Variants in AKAP10 observed in about 807,000 individuals in gnomAD.
AKAP10 encodes A-kinase anchoring protein 10.
AKAP10 carries 24 observed loss-of-function variants against 80.8 expected under a neutral mutation model. The observed-to-expected ratio is 0.30, with a 90% confidence interval of 0.22 to 0.42. The LOEUF is 0.42. AKAP10 is among the 10% of genes least tolerant of loss of function. The pLI, the probability that AKAP10 is intolerant of heterozygous loss-of-function variation, is 1.00. For missense variants in AKAP10, 661 were observed against 794.9 expected (o/e 0.83, Z 2.03); for synonymous variants, 291 against 277.7 (o/e 1.05, Z -0.48).
At chr17:19,945,527 A>G (rs1597509191) in intron 5 of AKAP10, among the ~76,000 whole-genome samples, 1 of 152,170 alleles carries the variant, frequency 6.6e-6, no homozygotes, top group Admixed American at 6.5e-5. Context: ...GTGAAACAGT[A>G]CCCCTTAAAT....
intron 1 of AKAP10, 38 bp downstream of exon 1, chr17:19,977,554 G>A (rs959553593): frequency 2.4e-6 from 3 of 1,227,968 alleles, no homozygotes; most frequent in Admixed American, 4.2e-5. Context: ...CCGCCCCTGA[G>A]GCCCGGCCTG....
rs150883446 is a variant in AKAP10, at chr17:19,908,815, T to C, written c.1983+366A>G. Among the ~76,000 whole-genome samples, 72 of 152,236 alleles carry C rather than the reference T, an allele frequency of 4.7e-4. 1 individual carries two copies. In the East Asian group the frequency reaches 0.012, roughly 26 times the overall value. ...CCACCACACCCGGCTAAGACAGGGT[T>C]TCACCATGTTGGCCAGGCTGGTCTT... On this transcript the variant is annotated intron_variant, in intron 14 of 14. Transcript: ENST00000225737.
At position 19,940,945 on chromosome 17, in the gene AKAP10, C is replaced by A. The variant is rs774163371; in HGVS notation, c.1127G>T (p.Gly376Val). 1 of 1,611,802 alleles carries A rather than the reference C, an allele frequency of 6.2e-7. No individual in the cohort carries two copies. The highest frequency in any genetic ancestry group is 8.5e-7 in the Non-Finnish European group (1 of 1,179,362). ...CKYQIEVLTS[G>V]TVYLADILFC... ...GAGAATGTCAGCCAGGTAAACAGTT[C>A]CACTGGTCAGCACTTCAATCTGGTA... Residue 376 changes from glycine (G) to valine (V), a missense_variant, in exon 7 of 15, where the codon GGA (glycine) becomes GTA (valine). Coordinates refer to ENST00000225737, the MANE Select transcript of AKAP10 (RefSeq NM_007202.4).
chr17:19,946,205 T>A (rs1284551965), intron 5 of AKAP10, among the ~76,000 whole-genome samples: 11 of 46,056 alleles, frequency 2.4e-4, no homozygotes, highest in Admixed American at 2.9e-4. Flanking sequence ...TACATATATT[T>A]TATATATATA....
intron 3 of AKAP10, among the ~76,000 whole-genome samples, chr17:19,960,121 G>C (rs1011662025): frequency 6.6e-6 from 1 of 152,074 alleles, no homozygotes; most frequent in Non-Finnish European, 1.5e-5. Context: ...GTACACTTTA[G>C]TTTCTCCCAT....
Position 19,946,271 on chromosome 17 carries a change from A to T in AKAP10, c.976+1136T>A, listed in dbSNP as rs68078064. On this transcript the variant is annotated intron_variant, in intron 5 of 14. Transcript: ENST00000225737. ...TATATATATATATATATATATATAT[A>T]TATATTTTTTTTTTTTTTTTTTTTT... 9.2e-3 allele frequency among the ~76,000 whole-genome samples: 214 copies of T among 23,344 alleles called. 15 individuals carry two copies. Among genetic ancestry groups the T allele is most frequent in the African/African-American group, 0.012 (70 of 5,860 alleles). The allele number at this position is 23,344 out of a possible 152,430, so 15.3% of individuals were successfully genotyped here.
chr17:19,920,221 A>G (rs2042795042), intron 11 of AKAP10, 103 bp from the exon 12 acceptor site: 3 of 820,804 alleles, frequency 3.7e-6, no homozygotes, highest in Non-Finnish European at 5.9e-6. Context: ...GAAAGCCAGA[A>G]ACACAATTTA....
At chr17:19,936,158 C>T in intron 9 of AKAP10, 128 bp downstream of exon 9, 1 of 1,109,090 alleles carries the variant, frequency 9.0e-7, no homozygotes, top group Non-Finnish European at 1.3e-6. Context: ...AAGGCCTCTG[C>T]TCTTAATCAC....
In AKAP10 at chr17:19,941,811, T is replaced by C. The variant is rs371090209; in HGVS notation, c.1061+15A>G. The stretch of plus-strand genomic sequence containing the variant: ...TTCCCTAGGATGCACAATGTGAAAA[T>C]ATGAACTAACTTACTCTTGCTCCAT... On this transcript the variant is annotated intron_variant, in intron 6 of 14. Transcript: ENST00000225737. 2.0e-6 allele frequency: 3 copies of C among 1,532,184 alleles called. No homozygotes were observed. The highest frequency in any genetic ancestry group is 1.9e-5 in the Admixed American group (1 of 52,100). The allele number at this position is 1,532,184 out of a possible 1,614,324, so 94.9% of individuals were successfully genotyped here. A position where few individuals can be genotyped will look rare whatever the true frequency, so the allele number is the denominator to read the frequency against.
chr17:19,962,197 C>A (rs1000678750), intron 3 of AKAP10, among the ~76,000 whole-genome samples: 1 of 152,026 alleles, frequency 6.6e-6, no homozygotes, highest in African/African-American at 2.4e-5. Flanking sequence ...TTCCCTATAA[C>A]AGATATTTAT....
rs557372232 is a variant in AKAP10 at position 19,936,387 on chromosome 17, C to T, written c.1366G>A (p.Val456Ile). ...QATHPLGFDDVVRLEIESNIC... is the reference protein window; with the variant it reads ...QATHPLGFDDIVRLEIESNIC... ...TTGGATTCAATTTCTAATCGTACAA[C>T]ATCATCAAATCCAAGAGGATGTGTG... The change falls in exon 9 of 15, where the codon GTT (valine) becomes ATT (isoleucine). Residue 456 changes from valine (V) to isoleucine (I), a missense_variant. Coordinates refer to ENST00000225737, the MANE Select transcript of AKAP10 (RefSeq NM_007202.4). 8.3e-5 allele frequency: 134 copies of T among 1,613,576 alleles called. 4 individuals carry two copies. The South Asian group carries it at 1.4e-3, about 17-fold the overall frequency.
intron 10 of AKAP10, among the ~76,000 whole-genome samples, chr17:19,931,063 A>G (rs1238805272): frequency 6.6e-6 from 1 of 152,082 alleles, no homozygotes; most frequent in East Asian, 1.9e-4. Flanking sequence ...AGTCCCAGCT[A>G]TTCAGGAGGC....
At chr17:19,909,349 T>C (rs2042665819) in intron 13 of AKAP10, 73 bp from the exon 14 acceptor site, 1 of 1,316,342 alleles carries the variant, frequency 7.6e-7, no homozygotes, top group East Asian at 2.4e-5. Flanking sequence ...CTCAGTGCTC[T>C]TAACAAATGG....
intron 8 of AKAP10, among the ~76,000 whole-genome samples, chr17:19,938,959 T>C (rs2043023855): frequency 6.6e-6 from 1 of 152,304 alleles, no homozygotes; most frequent in Admixed American, 6.5e-5. Context: ...CTCAAATTCC[T>C]GGGCTCAAGC....
At chr17:19,946,235 T>A (rs868753910) in intron 5 of AKAP10, among the ~76,000 whole-genome samples, 297 of 17,524 alleles carry the variant, frequency 0.017, 15 homozygotes, top group African/African-American at 0.053. Flanking sequence ...TATATATATA[T>A]ATTATATATA....
At chr17:19,914,135 G>T (rs1156777471) in intron 12 of AKAP10, among the ~76,000 whole-genome samples, 1 of 152,084 alleles carries the variant, frequency 6.6e-6, no homozygotes, top group Non-Finnish European at 1.5e-5. Context: ...AAGTAGCTGG[G>T]ACCACAGGCA....
Position 19,932,321 on chromosome 17 carries a change from G to A in AKAP10, c.1468-343C>T, listed in dbSNP as rs542780150. On this transcript the variant is annotated intron_variant, in intron 9 of 14. Coordinates refer to ENST00000225737, the MANE Select transcript of AKAP10 (RefSeq NM_007202.4). ...ATAAAAATTAGCTAGGCATGGTGGTGAGCGCCTGTAATCCCAGCTACTCGG... is the reference window on the plus strand; with the variant it reads ...ATAAAAATTAGCTAGGCATGGTGGTAAGCGCCTGTAATCCCAGCTACTCGG... Among the ~76,000 whole-genome samples, 253 of 151,936 alleles carry A rather than the reference G, an allele frequency of 1.7e-3. 1 individual carries two copies. The highest frequency in any genetic ancestry group is 1.6e-3 in the Non-Finnish European group (109 of 67,960).
chr17:19,926,007 T>G (rs1377632038), intron 10 of AKAP10, among the ~76,000 whole-genome samples: 1 of 152,148 alleles, frequency 6.6e-6, no homozygotes, highest in African/African-American at 2.4e-5. Flanking sequence ...CTCTCACATT[T>G]ATGGTCAATT....
intron 5 of AKAP10, among the ~76,000 whole-genome samples, chr17:19,946,640 C>G (rs2043135422): frequency 6.8e-6 from 1 of 147,760 alleles, no homozygotes; most frequent in Non-Finnish European, 1.5e-5. Flanking sequence ...GAATTTGGGT[C>G]CAACATATAA....
Sources: gnomAD v4.1 joint callset for allele counts (sites outside exome capture counted in the v4.1 genomes callset) on GRCh38, gnomAD v4.1.1 for gene constraint, MANE v1.5 for transcripts, NCBI Gene and HGNC (gene_info 2026-07-23, HGNC 2026-07-21) for gene names.